Variants in CNTN6 observed in about 807,000 individuals in gnomAD.
The protein encoded by CNTN6 is contactin-6.
CNTN6 carries 137 observed loss-of-function variants against 122.8 expected under a neutral mutation model. The observed-to-expected ratio is 1.12, with a 90% confidence interval of 0.97 to 1.29. The LOEUF is 1.29. CNTN6 is among the 50% of genes most tolerant of loss of function. CNTN6 has a pLI of 0.00. For synonymous variants in CNTN6, 570 were observed against 426.0 expected, an observed-to-expected ratio of 1.34 and a Z score of -4.16; for missense variants, 1,634 against 1,223.4, an observed-to-expected ratio of 1.34 and a Z score of -5.01.
intron 4 of CNTN6, among the ~76,000 whole-genome samples, chr3:1,245,165 C>A (rs2094543284): frequency 2.8e-5 from 1 of 35,600 alleles, no homozygotes; most frequent in Non-Finnish European, 5.4e-5. Context: ...ACCCAAATGC[C>A]CATCAATCAA....
intron 2 of CNTN6, among the ~76,000 whole-genome samples, chr3:1,172,814 C>T (rs184705430): frequency 1.3e-5 from 2 of 152,258 alleles, no homozygotes; most frequent in East Asian, 3.9e-4. Context: ...TATCTATAGC[C>T]CTGTCATGAG....
chr3:1,267,098 G>A (rs1165985170), intron 4 of CNTN6, among the ~76,000 whole-genome samples: 11 of 151,688 alleles, frequency 7.3e-5, no homozygotes, highest in Non-Finnish European at 7.4e-5. Context: ...TGGATAGCCT[G>A]AACTTTCTTG....
chr3:1,145,273 TG>T (rs1218615617), intron 1 of CNTN6, among the ~76,000 whole-genome samples: 1 of 152,174 alleles, frequency 6.6e-6, no homozygotes, highest in African/African-American at 2.4e-5. Flanking sequence ...TGGCTTCGAC[TG>T]CCATTGGTTT....
rs1253518116 is a variant in CNTN6, at chr3:1,388,288, C to G, written c.2704+2491C>G. Reference sequence around the variant, plus strand: ...CGAGCAGCCTAACTGGGAGGCACCCCCCAGCAGGGGCACACTGACACCTCA... The same window carrying G: ...CGAGCAGCCTAACTGGGAGGCACCCGCCAGCAGGGGCACACTGACACCTCA... On this transcript the variant is annotated intron_variant, in intron 20 of 22. Coordinates refer to ENST00000446702, the MANE Select transcript of CNTN6 (RefSeq NM_001289080.2). 5.5e-4 allele frequency among the ~76,000 whole-genome samples: 82 copies of G among 148,202 alleles called. 2 individuals carry two copies. The highest frequency in any genetic ancestry group is 9.6e-4 in the Non-Finnish European group (64 of 66,676).
chr3:1,237,162 A>G (rs1290194084), intron 4 of CNTN6, among the ~76,000 whole-genome samples: 6 of 152,046 alleles, frequency 3.9e-5, no homozygotes, highest in Non-Finnish European at 5.9e-5. Flanking sequence ...AAATTAAAGG[A>G]AAATTCTTCA....
chr3:1,358,504 A>C (rs968009627), intron 12 of CNTN6, among the ~76,000 whole-genome samples: 3 of 151,388 alleles, frequency 2.0e-5, no homozygotes, highest in Admixed American at 1.3e-4. Flanking sequence ...GATGGAAAAG[A>C]CTTCCCCAGA....
chr3:1,201,672 C>A (rs2093874562), intron 2 of CNTN6, among the ~76,000 whole-genome samples: 1 of 152,120 alleles, frequency 6.6e-6, no homozygotes, highest in African/African-American at 2.4e-5. Flanking sequence ...TTAGGAAAAA[C>A]TTTTATTATT....
chr3:1,379,092 C>T (rs1710286757), intron 17 of CNTN6, among the ~76,000 whole-genome samples: 1 of 152,102 alleles, frequency 6.6e-6, no homozygotes, highest in Non-Finnish European at 1.5e-5. Context: ...TAAGAAATTC[C>T]TACAGGCTGT....
chr3:1,372,526 ATG>A, intron 13 of CNTN6, 52 bp downstream of exon 13: 4 of 1,392,648 alleles, frequency 2.9e-6, no homozygotes, highest in Non-Finnish European at 3.9e-6. Flanking sequence ...AGTCTTTTAC[ATG>A]AATCACCATT....
At chr3:1,378,118 C>G (rs1710147650) in intron 17 of CNTN6, among the ~76,000 whole-genome samples, 1 of 151,966 alleles carries the variant, frequency 6.6e-6, no homozygotes, top group South Asian at 2.1e-4. Flanking sequence ...GATAGAGTCC[C>G]CTTGAAGGCT....
At chr3:1,360,755 A>C (rs906369857) in intron 12 of CNTN6, among the ~76,000 whole-genome samples, 1 of 151,996 alleles carries the variant, frequency 6.6e-6, no homozygotes, top group Non-Finnish European at 1.5e-5. Context: ...TTCAATCCCC[A>C]AATTCAACAG....
intron 10 of CNTN6, among the ~76,000 whole-genome samples, chr3:1,328,305 A>C (rs1701817523): frequency 6.6e-6 from 1 of 151,852 alleles, no homozygotes; most frequent in East Asian, 2.0e-4. Flanking sequence ...GGGAAGTCCA[A>C]CCAGTGGTGT....
intron 2 of CNTN6, among the ~76,000 whole-genome samples, chr3:1,164,119 CTGGTGAGAAAGAG>C (rs2093194938): frequency 2.0e-5 from 3 of 152,196 alleles, no homozygotes; most frequent in African/African-American, 7.2e-5. Context: ...GTAAGTTTGT[CTGGTGAGAAAGAG>C]ACACAGGTTA....
At position 1,317,304 on chromosome 3, in the gene CNTN6, A is replaced by G. The variant is rs191108284; in HGVS notation, c.762-4346A>G. Reference sequence around the variant, plus strand: ...CTATAATAGCCAGGAGGAATCCACCATATCATGTAATTCAATCACACAGAT... The same window carrying G: ...CTATAATAGCCAGGAGGAATCCACCGTATCATGTAATTCAATCACACAGAT... On this transcript the variant is annotated intron_variant, in intron 7 of 22. Transcript: ENST00000446702. Among the ~76,000 whole-genome samples, 564 of 151,958 alleles carry G rather than the reference A, an allele frequency of 3.7e-3. 2 individuals carry two copies. Among genetic ancestry groups the G allele is most frequent in the Non-Finnish European group, 6.3e-3 (430 of 67,922 alleles).
intron 11 of CNTN6, among the ~76,000 whole-genome samples, chr3:1,351,733 T>C (rs899246712): frequency 3.3e-5 from 5 of 151,916 alleles, no homozygotes; most frequent in Non-Finnish European, 7.4e-5. Context: ...TGAAGCCTTA[T>C]TCTTTCTACT....
chr3:1,211,310 A>T (rs768398739), intron 2 of CNTN6, among the ~76,000 whole-genome samples: 35 of 152,170 alleles, frequency 2.3e-4, no homozygotes, highest in Admixed American at 3.9e-4. Context: ...TTCAGGTAGA[A>T]CCAAAAATAA....
intron 9 of CNTN6, among the ~76,000 whole-genome samples, chr3:1,327,098 A>T (rs890758260): frequency 1.3e-5 from 2 of 151,928 alleles, no homozygotes; most frequent in African/African-American, 4.8e-5. Flanking sequence ...GCAGTGTTCT[A>T]GTCATGATAT....
intron 1 of CNTN6, among the ~76,000 whole-genome samples, chr3:1,108,659 C>G (rs1388040366): frequency 6.6e-6 from 1 of 151,978 alleles, no homozygotes; most frequent in Non-Finnish European, 1.5e-5. Context: ...ATATTTAAGG[C>G]TCTAAGGAGT....
chr3:1,283,411 C>CA (rs1339157450), intron 5 of CNTN6, among the ~76,000 whole-genome samples: 1 of 152,036 alleles, frequency 6.6e-6, no homozygotes, highest in Non-Finnish European at 1.5e-5. Context: ...TCACTCGTCA[C>CA]AAAAAATGTC....
Sources: allele counts gnomAD v4.1 joint callset (sites outside exome capture counted in the v4.1 genomes callset), GRCh38; gene constraint gnomAD v4.1.1; transcripts MANE v1.5; gene names NCBI Gene and HGNC (gene_info 2026-07-23, HGNC 2026-07-21).